Variants in IL1RAP observed in about 807,000 individuals in gnomAD.
IL1RAP encodes the protein interleukin 1 receptor accessory protein, also known as interleukin-1 receptor accessory protein.
IL1RAP carries 35 observed loss-of-function variants against 60.7 expected under a neutral mutation model. The ratio of observed to expected loss-of-function variants is 0.58; its 90% CI spans 0.44 to 0.76. IL1RAP has a LOEUF of 0.76. IL1RAP is among the 30% of genes least tolerant of loss of function. The pLI is 0.00. For synonymous variants in IL1RAP, 268 were observed against 250.9 expected (o/e 1.07, Z -0.64); for missense variants, 572 against 693.9 (o/e 0.82, Z 1.97).
intron 3 of IL1RAP, among the ~76,000 whole-genome samples, chr3:190,583,040 A>C (rs1304233280): frequency 6.6e-6 from 1 of 152,200 alleles, no homozygotes; most frequent in Non-Finnish European, 1.5e-5. Context: ...GGAACATCCC[A>C]TCTCCTGCCC....
At chr3:190,591,615 C>T (rs1728947615) in intron 3 of IL1RAP, among the ~76,000 whole-genome samples, 1 of 152,072 alleles carries the variant, frequency 6.6e-6, no homozygotes, top group South Asian at 2.1e-4. Flanking sequence ...CGCTGTCAGT[C>T]TTGAATGGAA....
At position 190,575,429 on chromosome 3, in the gene IL1RAP, A is replaced by G. The variant is rs185074904; in HGVS notation, c.64+11076A>G. On this transcript the variant is annotated intron_variant, in intron 3 of 11. Transcript: ENST00000447382. ...AACAAATTTTTATAAGAAGTTCTCT[A>G]TAGTTATAAATAAGGCATTATATTG... Among the ~76,000 whole-genome samples the G allele has an allele frequency of 2.4e-3, 369 of 152,358 alleles. 3 individuals carry two copies. Among genetic ancestry groups the G allele is most frequent in the Non-Finnish European group, 3.8e-3 (258 of 68,034 alleles).
intron 1 of IL1RAP, among the ~76,000 whole-genome samples, chr3:190,533,834 C>G (rs927029162): frequency 6.6e-6 from 1 of 152,172 alleles, no homozygotes; most frequent in Non-Finnish European, 1.5e-5. Flanking sequence ...CAAGCATCCC[C>G]TGAAAAATAC....
At chr3:190,597,093 A>G (rs1436803018) in intron 3 of IL1RAP, among the ~76,000 whole-genome samples, 1 of 152,180 alleles carries the variant, frequency 6.6e-6, no homozygotes, top group Non-Finnish European at 1.5e-5. Context: ...ACACATATTC[A>G]TTTGGTCCAT....
At chr3:190,521,501 G>C (rs1243038062) in intron 1 of IL1RAP, among the ~76,000 whole-genome samples, 1 of 150,918 alleles carries the variant, frequency 6.6e-6, no homozygotes, top group Non-Finnish European at 1.5e-5. Context: ...GTCCTGGTTA[G>C]TTGCGTTTCC....
At chr3:190,643,361 T>C (rs931322198) in intron 9 of IL1RAP, among the ~76,000 whole-genome samples, 3 of 152,208 alleles carry the variant, frequency 2.0e-5, no homozygotes, top group African/African-American at 4.8e-5. Context: ...ATCTTCCTGA[T>C]GTTTTTGATG....
At chr3:190,561,972 T>C (rs1725925199) in intron 2 of IL1RAP, among the ~76,000 whole-genome samples, 1 of 152,158 alleles carries the variant, frequency 6.6e-6, no homozygotes, top group African/African-American at 2.4e-5. Context: ...TCAGAAAACT[T>C]TGGTGACTCC....
At chr3:190,521,606 A>G (rs1043329655) in intron 1 of IL1RAP, among the ~76,000 whole-genome samples, 5 of 152,064 alleles carry the variant, frequency 3.3e-5, no homozygotes, top group Non-Finnish European at 7.4e-5. Flanking sequence ...CTGTAGAACA[A>G]TGTCTTAGGA....
rs549817304 is a variant in IL1RAP at position 190,580,509 on chromosome 3, C to G, written c.64+16156C>G. 2.6e-5 allele frequency among the ~76,000 whole-genome samples: 4 copies of G among 152,242 alleles called. No homozygotes were observed. In the South Asian group the frequency reaches 8.3e-4, roughly 32 times the overall value. ...AGGAAATCCTGCCATATGCATAGAC[C>G]TGGAGGACATTATGCTAAGTTAAAT... On this transcript the variant is annotated intron_variant, in intron 3 of 11. Transcript: ENST00000447382.
chr3:190,616,218 C>T (rs1731256574), intron 5 of IL1RAP, among the ~76,000 whole-genome samples: 1 of 152,166 alleles, frequency 6.6e-6, no homozygotes, highest in Non-Finnish European at 1.5e-5. Flanking sequence ...GCACTTCATT[C>T]ATATCTTGTC....
At chr3:190,516,861 A>G (rs1721569842) in intron 1 of IL1RAP, among the ~76,000 whole-genome samples, 1 of 152,240 alleles carries the variant, frequency 6.6e-6, no homozygotes, top group Non-Finnish European at 1.5e-5. Flanking sequence ...TTTAGAACAT[A>G]ACTGGAATGA....
intron 3 of IL1RAP, among the ~76,000 whole-genome samples, chr3:190,567,092 A>C (rs1726477219): frequency 6.6e-6 from 1 of 152,242 alleles, no homozygotes; most frequent in Non-Finnish European, 1.5e-5. Context: ...AAAAGAAACC[A>C]TAAAAGCATA....
At chr3:190,598,841 A>G (rs964004132) in intron 3 of IL1RAP, among the ~76,000 whole-genome samples, 8 of 152,114 alleles carry the variant, frequency 5.3e-5, no homozygotes, top group Non-Finnish European at 1.0e-4. Flanking sequence ...ATTCTTCTCT[A>G]TATTTCATAT....
At chr3:190,617,032 C>G (rs1013519925) in intron 5 of IL1RAP, among the ~76,000 whole-genome samples, 1 of 152,200 alleles carries the variant, frequency 6.6e-6, no homozygotes, top group African/African-American at 2.4e-5. Flanking sequence ...CACGCTTTTT[C>G]CTGTGCCTGA....
chr3:190,560,603 G>C (rs192408370), intron 2 of IL1RAP, among the ~76,000 whole-genome samples: 48 of 152,288 alleles, frequency 3.2e-4, no homozygotes, highest in Middle Eastern at 6.8e-3. Context: ...GTGATCTGGT[G>C]AAGTGCTGCT....
intron 5 of IL1RAP, among the ~76,000 whole-genome samples, chr3:190,619,396 A>T (rs928136295): frequency 6.6e-6 from 1 of 152,134 alleles, no homozygotes; most frequent in Non-Finnish European, 1.5e-5. Flanking sequence ...GCCCATGAAG[A>T]TATTTTATTT....
At chr3:190,571,527 A>G (rs1328744293) in intron 3 of IL1RAP, among the ~76,000 whole-genome samples, 1 of 152,038 alleles carries the variant, frequency 6.6e-6, no homozygotes, top group Non-Finnish European at 1.5e-5. Context: ...CTCTTTCTCA[A>G]AAAAAAGTAC....
At chr3:190,635,555 AT>A (rs936199005) in intron 9 of IL1RAP, among the ~76,000 whole-genome samples, 1 of 152,138 alleles carries the variant, frequency 6.6e-6, no homozygotes, top group Non-Finnish European at 1.5e-5. Flanking sequence ...AGTTTTTGTT[AT>A]TATTAAGTTC....
chr3:190,538,599 T>C (rs546145635), intron 1 of IL1RAP, among the ~76,000 whole-genome samples: 147 of 152,284 alleles, frequency 9.7e-4, no homozygotes, highest in African/African-American at 3.3e-3. Context: ...TTTCCATGAT[T>C]CTTGTCGGCA....
Sources: gnomAD v4.1 joint callset for allele counts (sites outside exome capture counted in the v4.1 genomes callset) on GRCh38, gnomAD v4.1.1 for gene constraint, MANE v1.5 for transcripts, NCBI Gene and HGNC (gene_info 2026-07-23, HGNC 2026-07-21) for gene names.